Variants in AFF1 observed in about 807,000 individuals in gnomAD.
AFF1 encodes ALF transcription elongation factor 1, also known as AF4/FMR2 family member 1.
Under a neutral mutation model 121.7 loss-of-function variants are expected in AFF1, and 48 were observed. The ratio of observed to expected loss-of-function variants is 0.39; its 90% CI spans 0.31 to 0.50. The LOEUF is 0.50. AFF1 is among the 20% of genes least tolerant of loss of function. The pLI, the probability that AFF1 is intolerant of heterozygous loss-of-function variation, is 0.76. For missense variants in AFF1, 1,523 were observed against 1,511.7 expected (o/e 1.01, Z -0.12); for synonymous variants, 613 against 563.0 (o/e 1.09, Z -1.26).
At chr4:86,950,555 G>T (rs771880117) in intron 2 of AFF1, among the ~76,000 whole-genome samples, 23 of 152,222 alleles carry the variant, frequency 1.5e-4, no homozygotes, top group Non-Finnish European at 2.9e-4. Flanking sequence ...TATAAGAAAT[G>T]TAGACTCAGA....
At chr4:87,031,213 T>TGAAAACA (rs1423070170) in intron 2 of AFF1, among the ~76,000 whole-genome samples, 1 of 152,130 alleles carries the variant, frequency 6.6e-6, no homozygotes, top group African/African-American at 2.4e-5. Flanking sequence ...GTAAGACGGA[T>TGAAAACA]GCAAACACCC....
chr4:87,032,786 A>G (rs1729197798), intron 2 of AFF1, among the ~76,000 whole-genome samples: 1 of 152,122 alleles, frequency 6.6e-6, no homozygotes, highest in African/African-American at 2.4e-5. Context: ...GAGGAGCCCT[A>G]CAATTTTTTT....
chr4:87,112,115 G>T (rs2149761077), intron 11 of AFF1, among the ~76,000 whole-genome samples: 1 of 152,290 alleles, frequency 6.6e-6, no homozygotes, highest in South Asian at 2.1e-4. Flanking sequence ...TGCCTGATGT[G>T]ATTGGCAAGT....
chr4:86,962,894 G>A (rs1722250926), intron 2 of AFF1, among the ~76,000 whole-genome samples: 1 of 152,054 alleles, frequency 6.6e-6, no homozygotes, highest in South Asian at 2.1e-4. Context: ...GCCAAGCACG[G>A]TGGCTTATGC....
At chr4:87,006,528 CTA>C (rs913536753) in intron 2 of AFF1, among the ~76,000 whole-genome samples, 28 of 152,180 alleles carry the variant, frequency 1.8e-4, no homozygotes, top group Non-Finnish European at 4.4e-5. Context: ...ATATTTGTCT[CTA>C]TGTAAGGAAA....
intron 1 of AFF1, among the ~76,000 whole-genome samples, chr4:86,945,426 G>C (rs1720785934): frequency 6.9e-6 from 1 of 145,240 alleles, no homozygotes; most frequent in African/African-American, 2.6e-5. Context: ...CTGGGTTCAA[G>C]CTACCCTCTC....
Position 87,139,616 on chromosome 4 carries a change from C to T in AFF1, c.*3915C>T, listed in dbSNP as rs1289457250. On this transcript the variant is annotated 3_prime_UTR_variant, in exon 21 of 21. Transcript: ENST00000395146. ...GATGCTAGGATCAATTATGGCAGTA[C>T]CTTTTTTCCCCTCCTGTTCTTGAGC... is the stretch of plus-strand genomic sequence containing the variant. 4.3e-6 allele frequency: 1 copy of T among 229,900 alleles called. No individual in the cohort carries two copies. The highest frequency in any genetic ancestry group is 6.2e-5 in the East Asian group (1 of 16,202). 14.2% of individuals were successfully genotyped at this position (229,900 alleles called of 1,614,324 possible).
In AFF1 at chr4:87,004,418, C is replaced by G. The variant is rs138988976; in HGVS notation, c.39-41748C>G. 3.6e-4 allele frequency among the ~76,000 whole-genome samples: 55 copies of G among 152,134 alleles called. No individual in the cohort carries two copies. The Middle Eastern group carries it at 0.01, about 28-fold the overall frequency. Reference sequence around the variant, plus strand: ...AAATATTTATTTTTAAAACCCATTACATATTGACCTAAATAAAACTTTTAT... The same window carrying G: ...AAATATTTATTTTTAAAACCCATTAGATATTGACCTAAATAAAACTTTTAT... On this transcript the variant is annotated intron_variant, in intron 2 of 20. Transcript: ENST00000395146.
intron 11 of AFF1, among the ~76,000 whole-genome samples, chr4:87,111,007 T>TA (rs748864502): frequency 0.03 from 1,013 of 33,224 alleles, 6 homozygotes; most frequent in Admixed American, 0.056. Context: ...TATTTTTTTT[T>TA]TTTTATTTTT....
intron 2 of AFF1, among the ~76,000 whole-genome samples, chr4:86,995,833 C>CT (rs1725118649): frequency 6.6e-6 from 1 of 150,862 alleles, no homozygotes; most frequent in African/African-American, 2.4e-5. Context: ...TGAGGAGCGT[C>CT]TCTGCCTGGC....
chr4:87,100,719 G>A lies in AFF1; in HGVS notation c.1284-4909G>A, dbSNP rs769585399. ...AAATGCAGAAGGAAAGATTCTACAC[G>A]ATAAACTTGATTGAATACCTATATA... On this transcript the variant is annotated intron_variant, in intron 8 of 20. Coordinates refer to ENST00000395146, the MANE Select transcript of AFF1 (RefSeq NM_001166693.3). 3.3e-5 allele frequency among the ~76,000 whole-genome samples: 5 copies of A among 152,158 alleles called. No homozygotes were observed. The East Asian group carries it at 5.8e-4, about 18-fold the overall frequency.
intron 1 of AFF1, among the ~76,000 whole-genome samples, chr4:86,946,278 T>C (rs927633126): frequency 6.6e-6 from 1 of 152,186 alleles, no homozygotes; most frequent in Non-Finnish European, 1.5e-5. Flanking sequence ...TTTTCTAACA[T>C]CTATATATTT....
chr4:87,035,965 G>A (rs1016943450), intron 2 of AFF1, among the ~76,000 whole-genome samples: 11 of 152,156 alleles, frequency 7.2e-5, no homozygotes, highest in Non-Finnish European at 1.6e-4. Flanking sequence ...TGGTCCTTCA[G>A]GGTCAGTTGA....
At chr4:87,122,385 C>G (rs941202923) in intron 12 of AFF1, among the ~76,000 whole-genome samples, 2 of 152,214 alleles carry the variant, frequency 1.3e-5, no homozygotes, top group Admixed American at 6.5e-5. Flanking sequence ...CACTGTCTCT[C>G]AAGTGTTAGC....
intron 12 of AFF1, among the ~76,000 whole-genome samples, chr4:87,116,301 A>T (rs963948786): frequency 6.6e-6 from 1 of 152,202 alleles, no homozygotes; most frequent in Non-Finnish European, 1.5e-5. Context: ...TGAACATGCC[A>T]CTGTTTTAGA....
At chr4:87,104,462 T>C (rs1055426674) in intron 8 of AFF1, among the ~76,000 whole-genome samples, 3 of 152,240 alleles carry the variant, frequency 2.0e-5, no homozygotes, top group Non-Finnish European at 4.4e-5. Flanking sequence ...TACAAGTTGC[T>C]AACAGTTTTC....
intron 11 of AFF1, among the ~76,000 whole-genome samples, chr4:87,113,789 C>T (rs1252260310): frequency 6.6e-6 from 1 of 152,054 alleles, no homozygotes; most frequent in Non-Finnish European, 1.5e-5. Flanking sequence ...TCACTTGAGG[C>T]CAGGAGTTTG....
rs144530072 is a variant in AFF1, at chr4:87,017,205, A to G, written c.39-28961A>G. ...TGAGAAAATGCCAAACAGTTTTTCAAACTATATGCCTAGCCTAACTTTGAA... is the reference window on the plus strand; with the variant it reads ...TGAGAAAATGCCAAACAGTTTTTCAGACTATATGCCTAGCCTAACTTTGAA... On this transcript the variant is annotated intron_variant, in intron 2 of 20. Coordinates refer to ENST00000395146, the MANE Select transcript of AFF1 (RefSeq NM_001166693.3). Among the ~76,000 whole-genome samples, 625 of 151,508 alleles carry G rather than the reference A, an allele frequency of 4.1e-3. 3 individuals are homozygous for G. Among genetic ancestry groups the G allele is most frequent in the African/African-American group, 0.014 (587 of 41,328 alleles).
In AFF1 at chr4:87,105,537, G is replaced by C. The variant is rs879012691; in HGVS notation, c.1284-91G>C. On this transcript the variant is annotated intron_variant, in intron 8 of 20. Coordinates refer to ENST00000395146, the MANE Select transcript of AFF1 (RefSeq NM_001166693.3). ...AAACTTACACATATCCTCTCTCTTT[G>C]TTTAATTAGGCATATTTTCTATTTA... 7.1e-6 allele frequency: 10 copies of C among 1,414,702 alleles called. No individual in the cohort carries two copies. In the South Asian group the frequency reaches 9.5e-5, roughly 13 times the overall value. 87.6% of individuals were successfully genotyped at this position (1,414,702 alleles called of 1,614,324 possible).
Sources: allele counts gnomAD v4.1 joint callset (sites outside exome capture counted in the v4.1 genomes callset), GRCh38; gene constraint gnomAD v4.1.1; transcripts MANE v1.5; gene names NCBI Gene and HGNC (gene_info 2026-07-23, HGNC 2026-07-21).